The following PRKN variants were observed in gnomAD, a reference collection of about 807,000 sequenced individuals.
The protein encoded by PRKN is parkin RBR E3 ubiquitin protein ligase.
A neutral mutation model predicts 59.5 loss-of-function variants in PRKN; 56 were observed. That is an observed-to-expected ratio of 0.94 (90% CI 0.76 to 1.18). The LOEUF (loss-of-function observed/expected upper bound fraction) is 1.18, where lower values mean the gene tolerates loss of function less well. Among genes scored for constraint, PRKN ranks in the 50% most tolerant of loss-of-function variants. The probability of loss-of-function intolerance (pLI) is 0.00; values close to 1 mark genes in which losing one functional copy is unlikely to be tolerated. For missense variants in PRKN, 657 were observed against 596.4 expected, an observed-to-expected ratio of 1.10 and a Z score of -1.06; for synonymous variants, 250 against 222.1, an observed-to-expected ratio of 1.13 and a Z score of -1.12.
intron 1 of PRKN, among the ~76,000 whole-genome samples, chr6:162,710,890 T>A (rs1331858578): frequency 6.6e-6 from 1 of 152,168 alleles, no homozygotes; most frequent in Non-Finnish European, 1.5e-5. Flanking sequence ...GCCTTCCTGG[T>A]CAAATGGAAA....
At position 162,023,718 on chromosome 6, in the gene PRKN, C is replaced by T. The variant is rs114063467; in HGVS notation, c.618+30373G>A. Among the ~76,000 whole-genome samples, 948 of 152,116 alleles carry T rather than the reference C, an allele frequency of 6.2e-3. 9 individuals carry two copies. Among genetic ancestry groups the T allele is most frequent in the African/African-American group, 0.022 (908 of 41,500 alleles). ...ACCAGGGTGGTCTTAGAAAATGCAA[C>T]ATTTGGGCCCGAAAGCAGGACTACC... On this transcript the variant is annotated intron_variant, in intron 5 of 11. Coordinates refer to ENST00000366898, the MANE Select transcript of PRKN (RefSeq NM_004562.3).
At chr6:161,976,637 T>C (rs1781044233) in intron 5 of PRKN, among the ~76,000 whole-genome samples, 1 of 152,338 alleles carries the variant, frequency 6.6e-6, no homozygotes, top group East Asian at 1.9e-4. Flanking sequence ...TTTAAAACAA[T>C]GTCTGAACAC....
In PRKN at chr6:162,487,087, AAAGTAGATTTT is replaced by A. The variant is rs1335432198; in HGVS notation, c.8-43625_8-43615del. 1.3e-3 allele frequency among the ~76,000 whole-genome samples: 192 copies of A among 152,264 alleles called. No homozygotes were observed. In the East Asian group the frequency reaches 0.023, roughly 19 times the overall value. ...TCTAGTCTCAAAAAAAAAGAAAAGA[AAAGTAGATTTT>A]AAGGAAAAAAACGCATAATCACCTA... On this transcript the variant is annotated intron_variant, in intron 1 of 11. Coordinates refer to ENST00000366898, the MANE Select transcript of PRKN (RefSeq NM_004562.3).
intron 5 of PRKN, among the ~76,000 whole-genome samples, chr6:162,041,139 C>T (rs1348724795): frequency 6.6e-6 from 1 of 151,984 alleles, no homozygotes; most frequent in Admixed American, 6.6e-5. Flanking sequence ...CAGCTGAGAT[C>T]GCACCACTGC....
At chr6:162,530,998 A>G (rs542491703) in intron 1 of PRKN, among the ~76,000 whole-genome samples, 84 of 149,582 alleles carry the variant, frequency 5.6e-4, no homozygotes, top group African/African-American at 2.0e-3. Context: ...CGGAGATTGC[A>G]GTAAACCAAG....
chr6:161,567,029 T>G (rs1303481827), intron 8 of PRKN, among the ~76,000 whole-genome samples: 17 of 116,882 alleles, frequency 1.5e-4, no homozygotes, highest in African/African-American at 5.8e-4. Context: ...CTTGTTTTTT[T>G]TTTTTTTTTG....
At chr6:162,696,045 A>T (rs1422035966) in intron 1 of PRKN, among the ~76,000 whole-genome samples, 7 of 152,156 alleles carry the variant, frequency 4.6e-5, no homozygotes, top group Admixed American at 3.9e-4. Flanking sequence ...AGTGCCTGGA[A>T]CATGGTACTC....
Position 161,561,765 on chromosome 6 carries a change from C to T in PRKN, c.933+7590G>A, listed in dbSNP as rs567935394. ...TGGAATCCTTCCTGTGAGTGTAAAA[C>T]AAGTTCTGGCCCTTCGATCTTTAAA... On this transcript the variant is annotated intron_variant, in intron 8 of 11. Coordinates refer to ENST00000366898, the MANE Select transcript of PRKN (RefSeq NM_004562.3). The surrounding 1 kb of genome is among the most constrained non-coding windows in gnomAD (Gnocchi z 5.0). Among the ~76,000 whole-genome samples, 3 of 152,260 alleles carry T rather than the reference C, an allele frequency of 2.0e-5. No individual in the cohort carries two copies. In the South Asian group the frequency reaches 6.2e-4, roughly 32 times the overall value.
At chr6:162,582,775 G>A (rs1002109233) in intron 1 of PRKN, among the ~76,000 whole-genome samples, 2 of 152,136 alleles carry the variant, frequency 1.3e-5, no homozygotes, top group African/African-American at 4.8e-5. Flanking sequence ...TTTTTAAACT[G>A]TACCTTACAT....
intron 6 of PRKN, among the ~76,000 whole-genome samples, chr6:161,942,658 T>C (rs1221313288): frequency 6.6e-6 from 1 of 152,168 alleles, no homozygotes; most frequent in Non-Finnish European, 1.5e-5. Context: ...TATACCTACC[T>C]GAAATGAAAA....
intron 6 of PRKN, among the ~76,000 whole-genome samples, chr6:161,813,594 G>A (rs534252730): frequency 9.9e-5 from 15 of 152,114 alleles, no homozygotes; most frequent in South Asian, 6.2e-4. Flanking sequence ...TGCCCATGCC[G>A]CATCACCATG....
chr6:162,010,339 T>A (rs1782457488), intron 5 of PRKN, among the ~76,000 whole-genome samples: 1 of 124,022 alleles, frequency 8.1e-6, no homozygotes, highest in Admixed American at 1.0e-4. Context: ...ATATAATATA[T>A]AAATAATATA....
chr6:161,477,250 G>A (rs187014179), intron 9 of PRKN, among the ~76,000 whole-genome samples: 3 of 152,214 alleles, frequency 2.0e-5, no homozygotes, highest in African/African-American at 7.2e-5. Context: ...AGGCGCGGTG[G>A]CTCACGCCTG....
intron 1 of PRKN, among the ~76,000 whole-genome samples, chr6:162,516,611 G>A (rs546159846): frequency 6.6e-6 from 1 of 152,044 alleles, no homozygotes; most frequent in East Asian, 1.9e-4. Flanking sequence ...AATTAGCTGA[G>A]CATGGTGGTG....
At chr6:161,872,612 A>G (rs34139189) in intron 6 of PRKN, among the ~76,000 whole-genome samples, 34,183 of 151,834 alleles carry the variant, frequency 0.23, 4,644 homozygotes, top group African/African-American at 0.38. Context: ...TGATACCCAC[A>G]ATGCTTAATC....
rs143595183 is a variant in PRKN at position 161,494,427 on chromosome 6, G to A, written c.1083+54427C>T. On this transcript the variant is annotated intron_variant, in intron 9 of 11. Coordinates refer to ENST00000366898, the MANE Select transcript of PRKN (RefSeq NM_004562.3). ...TCCTTTTCATGCCTGTGGAACAAGG[G>A]ACTGAATCTTAAGGAGAGTGGAGAC... 2.6e-5 allele frequency among the ~76,000 whole-genome samples: 4 copies of A among 152,186 alleles called. No individual in the cohort carries two copies. The East Asian group carries it at 5.8e-4, about 22-fold the overall frequency.
chr6:162,352,688 T>A (rs1389551091), intron 2 of PRKN, among the ~76,000 whole-genome samples: 1 of 152,182 alleles, frequency 6.6e-6, no homozygotes, highest in East Asian at 1.9e-4. Flanking sequence ...GATATCTTCA[T>A]CTCACGTCTA....
intron 4 of PRKN, among the ~76,000 whole-genome samples, chr6:162,060,503 A>G (rs1778056131): frequency 6.6e-6 from 1 of 152,226 alleles, no homozygotes; most frequent in South Asian, 2.1e-4. Flanking sequence ...CATTGATAAA[A>G]TCTGTAACAT....
At chr6:162,044,432 GTCA>G (rs1346104757) in intron 5 of PRKN, among the ~76,000 whole-genome samples, 1 of 152,162 alleles carries the variant, frequency 6.6e-6, no homozygotes, top group Non-Finnish European at 1.5e-5. Context: ...TCAACCCCTA[GTCA>G]TCAAGTCTAG....
Sources: gnomAD v4.1 joint callset for allele counts (sites outside exome capture counted in the v4.1 genomes callset) on GRCh38, gnomAD v4.1.1 for gene constraint, Gnocchi (gnomAD v3.1) non-coding constraint, MANE v1.5 for transcripts, NCBI Gene and HGNC (gene_info 2026-07-23, HGNC 2026-07-21) for gene names.